Variants in GALNT13 observed in about 807,000 individuals in gnomAD.
The protein encoded by GALNT13 is UDP-GalNAc:polypeptide N-acetylgalactosaminyltransferase 13.
In GALNT13, 28 loss-of-function variants were observed where a neutral mutation model predicts 64.2. The observed-to-expected ratio is 0.44, with a 90% CI of 0.32 to 0.60. GALNT13 has a LOEUF of 0.60. Ranked by LOEUF, GALNT13 falls within the 20% of genes least tolerant of loss-of-function variation. GALNT13 has a pLI of 0.05. For missense variants in GALNT13, 577 were observed against 669.8 expected, an observed-to-expected ratio of 0.86 and a Z score of 1.53; for synonymous variants, 214 against 224.6, an observed-to-expected ratio of 0.95 and a Z score of 0.42.
the GALNT13 span, among the ~76,000 whole-genome samples, chr2:153,554,529 T>C: frequency 6.6e-6 from 1 of 152,158 alleles, no homozygotes; most frequent in African/African-American, 2.4e-5. Context: ...TTTTTCAAAG[T>C]ATATTTGAAA....
intron 2 of GALNT13, chr2:153,926,189 GAAT>G (rs1350282182): frequency 6.6e-6 from 1 of 151,844 alleles, no homozygotes; most frequent in Non-Finnish European, 1.5e-5. Context: ...ATATAAAAAA[GAAT>G]AATGTTCTAG....
At chr2:153,956,129 T>C (rs920015071) in intron 3 of GALNT13, among the ~76,000 whole-genome samples, 6 of 152,128 alleles carry the variant, frequency 3.9e-5, no homozygotes, top group African/African-American at 1.2e-4. Context: ...GGAACACCAA[T>C]AGCATAGAAC....
In GALNT13 at chr2:154,277,390, CT is replaced by C. The variant is rs1331365573; in HGVS notation, c.975+18255del. On this transcript the variant is annotated intron_variant, in intron 8 of 12. Coordinates refer to ENST00000392825, the MANE Select transcript of GALNT13 (RefSeq NM_052917.4). ...TATGTATTTTTTATTAAAGAGCCAA[CT>C]TTAAATCTCTATGGTAACGACTGCA... 3.3e-5 allele frequency among the ~76,000 whole-genome samples: 5 copies of C among 152,194 alleles called. No homozygotes were observed. The East Asian group carries it at 9.7e-4, about 29-fold the overall frequency.
chr2:153,740,548 G>T, the GALNT13 span, among the ~76,000 whole-genome samples: 1 of 151,820 alleles, frequency 6.6e-6, no homozygotes, highest in Non-Finnish European at 1.5e-5. Flanking sequence ...TTTGGCATTC[G>T]TCTTTTCTCT....
chr2:153,647,233 C>G, the GALNT13 span, among the ~76,000 whole-genome samples: 3 of 152,184 alleles, frequency 2.0e-5, no homozygotes, highest in Non-Finnish European at 4.4e-5. Flanking sequence ...AGCATTTTTT[C>G]ATGTATCTGT....
chr2:153,452,358 G>A, the GALNT13 span, among the ~76,000 whole-genome samples: 1 of 152,094 alleles, frequency 6.6e-6, no homozygotes. Flanking sequence ...GAGGGTGCCT[G>A]TAGTCCCAGC....
the GALNT13 span, among the ~76,000 whole-genome samples, chr2:153,257,066 C>A: frequency 6.6e-6 from 1 of 152,210 alleles, no homozygotes; most frequent in Non-Finnish European, 1.5e-5. Flanking sequence ...TGCCGCCTTG[C>A]AATTTGATCT....
chr2:154,140,063 CAGAAGTTTTAAGAT>C (rs1683170640), intron 3 of GALNT13, among the ~76,000 whole-genome samples: 1 of 151,946 alleles, frequency 6.6e-6, no homozygotes, highest in East Asian at 1.9e-4. Context: ...AAATATATGA[CAGAAGTTTTAAGAT>C]TGGGTATTTT....
At chr2:153,795,902 A>G in the GALNT13 span, among the ~76,000 whole-genome samples, 1 of 152,190 alleles carries the variant, frequency 6.6e-6, no homozygotes, top group South Asian at 2.1e-4. Context: ...TTATACCCAT[A>G]ATATGGTATG....
chr2:154,355,282 A>G (rs1696673776), intron 9 of GALNT13, among the ~76,000 whole-genome samples: 1 of 152,154 alleles, frequency 6.6e-6, no homozygotes, highest in African/African-American at 2.4e-5. Flanking sequence ...GTCACATGAG[A>G]TAACGGAGAC....
chr2:154,143,189 G>A (rs558452358), intron 4 of GALNT13, among the ~76,000 whole-genome samples: 20 of 152,200 alleles, frequency 1.3e-4, no homozygotes, highest in South Asian at 2.1e-4. Flanking sequence ...TAGATCCTTC[G>A]CATGCGCAGT....
At chr2:153,154,387 A>G in the GALNT13 span, among the ~76,000 whole-genome samples, 2 of 152,160 alleles carry the variant, frequency 1.3e-5, no homozygotes, top group Non-Finnish European at 2.9e-5. Flanking sequence ...CTGTGAGTCC[A>G]TTAAGTCTCT....
At chr2:154,221,627 CT>C (rs1181016061) in intron 4 of GALNT13, among the ~76,000 whole-genome samples, 3 of 152,036 alleles carry the variant, frequency 2.0e-5, no homozygotes, top group African/African-American at 7.2e-5. Context: ...TTTGAGGCTT[CT>C]AGTAACAGAT....
the GALNT13 span, among the ~76,000 whole-genome samples, chr2:153,372,928 C>T: frequency 2.0e-5 from 3 of 152,094 alleles, no homozygotes; most frequent in South Asian, 4.1e-4. Context: ...TTATGGACAT[C>T]GTTCATTGAC....
At chr2:154,049,103 C>T (rs1281956056) in intron 3 of GALNT13, among the ~76,000 whole-genome samples, 1 of 151,842 alleles carries the variant, frequency 6.6e-6, no homozygotes, top group East Asian at 1.9e-4. Context: ...TCTGTCATCC[C>T]TTTGTAGTCC....
At chr2:153,700,579 A>G in the GALNT13 span, among the ~76,000 whole-genome samples, 1 of 152,274 alleles carries the variant, frequency 6.6e-6, no homozygotes, top group South Asian at 2.1e-4. Context: ...ACATGATTCT[A>G]TGTTTAGAAA....
At chr2:153,499,058 G>T in the GALNT13 span, among the ~76,000 whole-genome samples, 4 of 152,142 alleles carry the variant, frequency 2.6e-5, no homozygotes, top group Non-Finnish European at 5.9e-5. Context: ...GTGCCAGCCA[G>T]GATGGTCTCG....
intron 4 of GALNT13, among the ~76,000 whole-genome samples, chr2:154,216,033 C>A (rs779631870): frequency 2.6e-4 from 40 of 151,940 alleles, no homozygotes; most frequent in Admixed American, 6.6e-4. Flanking sequence ...AATTATTTTA[C>A]ATTTGATATT....
At chr2:153,182,362 C>T in the GALNT13 span, among the ~76,000 whole-genome samples, 9 of 152,246 alleles carry the variant, frequency 5.9e-5, no homozygotes, top group South Asian at 2.1e-4. Context: ...ATTTTCTTAA[C>T]GGTGTTTCTT....
Sources: allele counts gnomAD v4.1 joint callset (sites outside exome capture counted in the v4.1 genomes callset), GRCh38; gene constraint gnomAD v4.1.1; transcripts MANE v1.5; gene names NCBI Gene and HGNC (gene_info 2026-07-23, HGNC 2026-07-21).